ARHGAP42: variants seen among roughly 807,000 people sequenced by gnomAD.
ARHGAP42 encodes the protein rho GTPase-activating protein 42.
In ARHGAP42, 63 loss-of-function variants were observed where a neutral mutation model predicts 125.0. That is an observed-to-expected ratio of 0.50 (90% CI 0.41 to 0.62). ARHGAP42 has a LOEUF of 0.62. ARHGAP42 is among the 20% of genes least tolerant of loss of function. The probability of loss-of-function intolerance (pLI) is 0.00; values close to 1 mark genes in which losing one functional copy is unlikely to be tolerated. For synonymous variants in ARHGAP42, 339 were observed against 351.0 expected (o/e 0.97, Z 0.38); for missense variants, 766 against 1,024.2 (o/e 0.75, Z 3.44).
intron 8 of ARHGAP42, among the ~76,000 whole-genome samples, chr11:100,940,235 C>T (rs1318626715): frequency 1.3e-5 from 2 of 152,126 alleles, no homozygotes; most frequent in African/African-American, 4.8e-5. Flanking sequence ...GCTCATGAAA[C>T]ACTTTTCTCA....
chr11:100,874,567 A>C (rs1485015244), intron 4 of ARHGAP42, among the ~76,000 whole-genome samples: 1 of 152,184 alleles, frequency 6.6e-6, no homozygotes, highest in African/African-American at 2.4e-5. Context: ...AGTGAAGGGC[A>C]GACTTCTGGA....
At chr11:100,918,012 T>C (rs1867121370) in intron 5 of ARHGAP42, among the ~76,000 whole-genome samples, 1 of 152,242 alleles carries the variant, frequency 6.6e-6, no homozygotes, top group Non-Finnish European at 1.5e-5. Context: ...TATTCACATG[T>C]ACTTAGGCTA....
At chr11:100,867,577 G>T (rs987060410) in intron 4 of ARHGAP42, among the ~76,000 whole-genome samples, 4 of 152,184 alleles carry the variant, frequency 2.6e-5, no homozygotes, top group Non-Finnish European at 5.9e-5. Context: ...TAAGGCTTTG[G>T]CTTAAGGGAA....
intron 3 of ARHGAP42, among the ~76,000 whole-genome samples, chr11:100,817,979 A>G (rs1864309174): frequency 6.6e-6 from 1 of 152,126 alleles, no homozygotes; most frequent in Admixed American, 6.6e-5. Context: ...TTTTATTTCC[A>G]CTGATTGCTT....
intron 12 of ARHGAP42, among the ~76,000 whole-genome samples, chr11:100,953,185 A>G (rs1053173513): frequency 3.3e-5 from 5 of 152,016 alleles, no homozygotes; most frequent in African/African-American, 9.7e-5. Flanking sequence ...CATTGCATCA[A>G]TTTCAGTATG....
chr11:100,743,753 G>A (rs888021326), intron 1 of ARHGAP42, among the ~76,000 whole-genome samples: 1 of 151,996 alleles, frequency 6.6e-6, no homozygotes, highest in East Asian at 1.9e-4. Flanking sequence ...TGAATGCTTT[G>A]TTCATTTCTT....
At chr11:100,695,644 T>C (rs1350806840) in intron 1 of ARHGAP42, among the ~76,000 whole-genome samples, 1 of 152,202 alleles carries the variant, frequency 6.6e-6, no homozygotes, top group Non-Finnish European at 1.5e-5. Context: ...TTAATCAGAA[T>C]ACTCCATTCT....
chr11:100,848,589 C>T (rs1311757021), intron 3 of ARHGAP42, among the ~76,000 whole-genome samples: 3 of 151,758 alleles, frequency 2.0e-5, no homozygotes, highest in Non-Finnish European at 2.9e-5. Context: ...CTGCAACCTC[C>T]GTCTCCCAGG....
chr11:100,750,371 G>T (rs1373496666), intron 1 of ARHGAP42, among the ~76,000 whole-genome samples: 1 of 150,998 alleles, frequency 6.6e-6, no homozygotes, highest in East Asian at 1.9e-4. Flanking sequence ...AACTAATTAC[G>T]ATTGGCTAAT....
chr11:100,955,440 T>TA (rs1295789989), intron 12 of ARHGAP42, among the ~76,000 whole-genome samples: 1 of 152,054 alleles, frequency 6.6e-6, no homozygotes, highest in African/African-American at 2.4e-5. Flanking sequence ...AGGGCTGGGG[T>TA]AGGGCTTGGG....
intron 4 of ARHGAP42, among the ~76,000 whole-genome samples, chr11:100,887,306 G>C (rs1430800627): frequency 6.6e-6 from 1 of 152,010 alleles, no homozygotes; most frequent in Non-Finnish European, 1.5e-5. Flanking sequence ...TTCAGTCCGG[G>C]GTCAGTGGAA....
intron 3 of ARHGAP42, among the ~76,000 whole-genome samples, chr11:100,858,722 A>C (rs1865380223): frequency 1.3e-5 from 2 of 152,256 alleles, no homozygotes. Context: ...GGCATTTGCT[A>C]TTCATGTAAT....
chr11:100,853,699 A>G (rs1865257731), intron 3 of ARHGAP42, among the ~76,000 whole-genome samples: 1 of 152,114 alleles, frequency 6.6e-6, no homozygotes, highest in South Asian at 2.1e-4. Context: ...CCATTCCTCC[A>G]CCTTATGAGT....
intron 1 of ARHGAP42, among the ~76,000 whole-genome samples, chr11:100,745,023 AAG>A (rs144081653): frequency 0.046 from 6,950 of 152,232 alleles, 242 homozygotes; most frequent in Middle Eastern, 0.12. Context: ...GGCTAATTTA[AAG>A]AGAGTGATGG....
chr11:100,818,257 C>T (rs1341546192), intron 3 of ARHGAP42, among the ~76,000 whole-genome samples: 1 of 151,800 alleles, frequency 6.6e-6, no homozygotes, highest in African/African-American at 2.4e-5. Flanking sequence ...CATTATTCAC[C>T]CATTATCCTT....
At chr11:100,902,582 A>G (rs1210694582) in intron 4 of ARHGAP42, among the ~76,000 whole-genome samples, 1 of 152,136 alleles carries the variant, frequency 6.6e-6, no homozygotes, top group Admixed American at 6.5e-5. Context: ...AGCCCAGGTT[A>G]TGTCCTTCAG....
rs1023506461 is a variant in ARHGAP42, at chr11:100,687,805, G to T, written c.127G>T (p.Gly43Cys). 25 of 1,550,506 alleles carry T rather than the reference G, an allele frequency of 1.6e-5. No homozygotes were observed. The highest frequency in any genetic ancestry group is 1.9e-5 in the Non-Finnish European group (22 of 1,146,342). ...GTTCATCAAGGAGCTCATTAAGGAC[G>T]GCTCTCTGCTCATTGGGGCGTTGAG... is the stretch of plus-strand genomic sequence containing the variant. ...NKFIKELIKD[G>C]SLLIGALRNL... Residue 43 changes from glycine to cysteine, a missense_variant, in exon 1 of 24, where the codon GGC (glycine) becomes TGC (cysteine). Physicochemically the swap from Gly to Cys is radical, Grantham distance 159 (BLOSUM62 -3). Around this residue, in one of 3 missense-constraint regions of ARHGAP42, gnomAD observed 455 missense variants for 636.5 expected, o/e 0.71. Transcript: ENST00000298815.
intron 12 of ARHGAP42, among the ~76,000 whole-genome samples, chr11:100,956,955 A>G (rs764726384): frequency 2.0e-5 from 3 of 152,146 alleles, no homozygotes; most frequent in South Asian, 2.1e-4. Context: ...TGCCTTATTC[A>G]TGAAATTTAC....
intron 1 of ARHGAP42, among the ~76,000 whole-genome samples, chr11:100,729,880 G>A (rs1017935523): frequency 2.7e-5 from 4 of 147,084 alleles, no homozygotes; most frequent in Non-Finnish European, 4.5e-5. Context: ...GTGTGATCTC[G>A]GCTCATTGCA....
Sources: allele counts gnomAD v4.1 joint callset (sites outside exome capture counted in the v4.1 genomes callset), GRCh38; gene constraint gnomAD v4.1.1; regional missense constraint gnomAD v4.1.1; transcripts MANE v1.5; gene names NCBI Gene and HGNC (gene_info 2026-07-23, HGNC 2026-07-21).